The following LRRD1 variants were observed in gnomAD, a reference collection of about 807,000 sequenced individuals.
LRRD1 encodes the protein leucine rich repeats and death domain containing 1, also known as leucine-rich repeat and death domain-containing protein 1.
Under a neutral mutation model 69.5 loss-of-function variants are expected in LRRD1, and 49 were observed. The ratio of observed to expected loss-of-function variants is 0.70; its 90% CI spans 0.56 to 0.89. The LOEUF (loss-of-function observed/expected upper bound fraction) is 0.89. LRRD1 is among the 40% of genes least tolerant of loss of function. LRRD1 has a pLI of 0.00. For synonymous variants in LRRD1, 303 were observed against 338.9 expected (o/e 0.89, Z 1.16); for missense variants, 853 against 956.0 (o/e 0.89, Z 1.42).
At chr7:92,178,498 C>T (rs1385410979) in intron 1 of LRRD1, among the ~76,000 whole-genome samples, 1 of 151,926 alleles carries the variant, frequency 6.6e-6, no homozygotes. Context: ...GGGTGAAACC[C>T]CGTCTCTACT....
intron 4 of LRRD1, 91 bp from the exon 5 acceptor site, chr7:92,146,291 T>G (rs1203831152): frequency 1.5e-6 from 1 of 651,968 alleles, no homozygotes; most frequent in Admixed American, 3.4e-5. Flanking sequence ...ATTTCTGTGC[T>G]TCTATGAAAT....
chr7:92,146,123 GT>G lies in LRRD1; in HGVS notation c.2355del (p.Lys785AsnfsTer2), dbSNP rs1182566732. 11 of 1,542,352 alleles carry G rather than the reference GT, an allele frequency of 7.1e-6. No individual in the cohort carries two copies. The highest frequency in any genetic ancestry group is 4.1e-5 in the Admixed American group (2 of 49,028). On this transcript the variant is annotated frameshift_variant, in exon 5 of 6. Coordinates refer to ENST00000458448, the MANE Select transcript of LRRD1 (RefSeq NM_001161528.2). LOFTEE classifies it high-confidence loss of function. ...TETNFEFLCQ[K>X]LNLANSETDM... ...TCAGTTTCTGAGTTTGCCAGGTTTA[GT>G]TTTTGACATAAAAATTCAAAATTGG...
chr7:92,152,194 G>A (rs912312122), intron 3 of LRRD1, among the ~76,000 whole-genome samples: 5 of 139,544 alleles, frequency 3.6e-5, no homozygotes, highest in Non-Finnish European at 6.1e-5. Context: ...TATAAACCTA[G>A]AATTTTATAT....
At chr7:92,174,505 A>ATTT (rs1563195843) in intron 1 of LRRD1, among the ~76,000 whole-genome samples, 6 of 19,256 alleles carry the variant, frequency 3.1e-4, no homozygotes, top group Non-Finnish European at 3.1e-4. Context: ...ATATATATAT[A>ATTT]TATATTTTTT....
intron 1 of LRRD1, among the ~76,000 whole-genome samples, chr7:92,176,424 A>G (rs1178020422): frequency 6.6e-6 from 1 of 152,154 alleles, no homozygotes; most frequent in African/African-American, 2.4e-5. Context: ...GTTGTTTCCA[A>G]TTGTATGACT....
chr7:92,159,587 T>C (rs142282394), intron 2 of LRRD1, among the ~76,000 whole-genome samples: 1 of 132,468 alleles, frequency 7.5e-6, no homozygotes, highest in East Asian at 2.6e-4. Flanking sequence ...CATCCCACAT[T>C]TGATCTCCTT....
downstream of LRRD1, chr7:92,142,491 G>A (rs939569244): frequency 2.2e-6 from 1 of 456,618 alleles, no homozygotes; most frequent in Non-Finnish European, 4.4e-6. Context: ...TTCCATAGTA[G>A]CTCTGCAAAA....
intron 3 of LRRD1, among the ~76,000 whole-genome samples, chr7:92,158,489 G>A (rs751855906): frequency 6.6e-5 from 10 of 152,096 alleles, no homozygotes; most frequent in Non-Finnish European, 1.0e-4. Flanking sequence ...CGCAGTATTT[G>A]TTGTACTTTG....
rs761515186 is a variant in LRRD1, at chr7:92,144,957, C to T, written c.2514G>A (p.Met838Ile). The T allele has an allele frequency of 7.1e-6, 11 of 1,545,694 alleles. No homozygotes were observed. In the South Asian group the frequency reaches 1.3e-4, roughly 19 times the overall value. ...TGTCCATAATTTCATATGCTCCTAT[C>T]ATAGTTAGTGCTCGAATTAGTTGAT... is the stretch of plus-strand genomic sequence containing the variant. The part of the protein sequence containing the change: ...LRDQLIRALT[M>I]IGAYEIMDKI... Residue 838 changes from methionine to isoleucine, a missense_variant, in exon 6 of 6, where the codon ATG (methionine) becomes ATA (isoleucine). Met to Ile is a conservative substitution (Grantham distance 10, BLOSUM62 1). Coordinates refer to ENST00000458448, the MANE Select transcript of LRRD1 (RefSeq NM_001161528.2).
intron 1 of LRRD1, among the ~76,000 whole-genome samples, chr7:92,166,157 C>G (rs1360483920): frequency 1.3e-5 from 2 of 152,216 alleles, no homozygotes; most frequent in Non-Finnish European, 2.9e-5. Context: ...GGTAGCACCA[C>G]TCCTCAGAGG....
intron 3 of LRRD1, 44 bp downstream of exon 3, chr7:92,158,961 A>T (rs1454545624): frequency 6.8e-7 from 1 of 1,469,164 alleles, no homozygotes; most frequent in East Asian, 2.6e-5. Context: ...AGACATTAAT[A>T]CTCTACTTAT....
chr7:92,153,717 A>G (rs1237341429), intron 3 of LRRD1, among the ~76,000 whole-genome samples: 1 of 150,690 alleles, frequency 6.6e-6, no homozygotes, highest in Non-Finnish European at 1.5e-5. Context: ...CTGTAATCCC[A>G]GCTACTCAGG....
intron 3 of LRRD1, among the ~76,000 whole-genome samples, chr7:92,158,702 G>T (rs1788728556): frequency 6.6e-6 from 1 of 152,124 alleles, no homozygotes; most frequent in African/African-American, 2.4e-5. Context: ...GGTTGTGTAG[G>T]TGTGTGTAGA....
At chr7:92,161,584 C>T (rs1269580975) in intron 2 of LRRD1, among the ~76,000 whole-genome samples, 1 of 152,148 alleles carries the variant, frequency 6.6e-6, no homozygotes, top group African/African-American at 2.4e-5. Flanking sequence ...AGGTTGTAGA[C>T]AGTGACACTG....
Position 92,164,953 on chromosome 7 carries a change from T to A in LRRD1, c.250A>T (p.Asn84Tyr). 6.4e-7 allele frequency: 1 copy of A among 1,551,442 alleles called. No individual in the cohort carries two copies. Among genetic ancestry groups the A allele is most frequent in the Non-Finnish European group, 8.7e-7 (1 of 1,146,890 alleles). Residue 84 changes from asparagine to tyrosine, a missense_variant, in exon 2 of 6, where the codon AAT becomes TAT. Around this residue, in one of 3 missense-constraint regions of LRRD1, gnomAD observed 99 missense variants for 107.0 expected, o/e 0.92. Transcript: ENST00000458448. ...GTGCTTGTTTCAGAAAATTGAAGAT[T>A]TTTCTTTTGTTCTTCATTTCTCTTA... ...KSKRNEEQKK[N>Y]LQFSETSTRT... is the part of the protein sequence containing the mutation.
At chr7:92,143,139 TC>T (rs1267136231), downstream of LRRD1, among the ~76,000 whole-genome samples, 3 of 152,068 alleles carry the variant, frequency 2.0e-5, no homozygotes, top group Admixed American at 6.6e-5. Context: ...ATACAGAGTG[TC>T]GATTGGTGTA....
Position 92,159,028 on chromosome 7 carries a change from T to A in LRRD1, c.2093A>T (p.Asp698Val). 1.3e-6 allele frequency: 2 copies of A among 1,545,992 alleles called. No individual in the cohort carries two copies. The highest frequency in any genetic ancestry group is 2.4e-5 in the South Asian group (2 of 82,562). ...ACCACTCAGGTTTAGTTGCTGCAGA[T>A]CATTTAAAGATAGCAAAGATGGTGG... ...YLPPSLLSLN[D>V]LQQLNLSGNN... is the part of the protein sequence containing the mutation. The change falls in exon 3 of 6, where the codon GAT becomes GTT. Residue 698 changes from aspartate (D) to valine (V), a missense_variant. By Grantham distance (152) the Asp-to-Val change is radical. Transcript: ENST00000458448.
At chr7:92,169,930 C>G (rs935091141) in intron 1 of LRRD1, among the ~76,000 whole-genome samples, 13 of 151,668 alleles carry the variant, frequency 8.6e-5, no homozygotes, top group African/African-American at 3.1e-4. Flanking sequence ...ATTAGCCAGG[C>G]GTGGTGATGT....
At chr7:92,151,898 G>A (rs745332396) in intron 3 of LRRD1, among the ~76,000 whole-genome samples, 1 of 149,532 alleles carries the variant, frequency 6.7e-6, no homozygotes, top group Non-Finnish European at 1.5e-5. Context: ...GCAGGGAGCC[G>A]AGATAATGCC....
Sources: allele counts gnomAD v4.1 joint callset (sites outside exome capture counted in the v4.1 genomes callset), GRCh38; gene constraint gnomAD v4.1.1; regional missense constraint gnomAD v4.1.1; transcripts MANE v1.5; gene names NCBI Gene and HGNC (gene_info 2026-07-23, HGNC 2026-07-21).